The following BCKDHB variants were observed in gnomAD, a reference collection of about 807,000 sequenced individuals.
BCKDHB encodes 2-oxoisovalerate dehydrogenase subunit beta, mitochondrial.
A neutral mutation model predicts 48.5 loss-of-function variants in BCKDHB; 41 were observed. The ratio of observed to expected loss-of-function variants is 0.85; its 90% CI spans 0.66 to 1.10. The LOEUF is 1.10. Ranked by LOEUF, BCKDHB falls within the 50% of genes least tolerant of loss-of-function variation. The pLI is 0.00. For missense variants in BCKDHB, 496 were observed against 494.2 expected, an observed-to-expected ratio of 1.00 and a Z score of -0.03; for synonymous variants, 201 against 174.8, an observed-to-expected ratio of 1.15 and a Z score of -1.18.
At chr6:80,305,698 T>A (rs723308) in intron 9 of BCKDHB, among the ~76,000 whole-genome samples, 139,489 of 152,192 alleles carry the variant, frequency 0.92, 64,010 homozygotes, top group East Asian at 0.99. Context: ...CATGTAGATG[T>A]TGTGGACATC....
At chr6:80,133,985 C>T (rs574903450) in intron 3 of BCKDHB, among the ~76,000 whole-genome samples, 1 of 152,216 alleles carries the variant, frequency 6.6e-6, no homozygotes, top group East Asian at 1.9e-4. Context: ...ACAGATTCCT[C>T]ATGGCATATA....
At chr6:80,108,214 C>T (rs1769226552) in intron 1 of BCKDHB, among the ~76,000 whole-genome samples, 1 of 151,652 alleles carries the variant, frequency 6.6e-6, no homozygotes, top group African/African-American at 2.4e-5. Flanking sequence ...AGCTTCCATT[C>T]TAAACAATGT....
the BCKDHB span, among the ~76,000 whole-genome samples, chr6:80,419,406 C>T: frequency 8.6e-5 from 13 of 152,044 alleles, no homozygotes; most frequent in African/African-American, 2.9e-4. Context: ...CAGGAGAGAC[C>T]GGCAGACCAA....
At chr6:80,306,855 C>A (rs1026933472) in intron 9 of BCKDHB, among the ~76,000 whole-genome samples, 2 of 152,140 alleles carry the variant, frequency 1.3e-5, no homozygotes, top group African/African-American at 2.4e-5. Context: ...GGAGGCTCTT[C>A]TTCTGGAGAC....
rs1215666594 is a variant in BCKDHB at position 80,230,023 on chromosome 6, G to GTTT, written c.951+26813_951+26814insTTT. Among the ~76,000 whole-genome samples, 218 of 89,452 alleles carry GTTT rather than the reference G, an allele frequency of 2.4e-3. 4 individuals are homozygous for GTTT. Among genetic ancestry groups the GTTT allele is most frequent in the South Asian group, 7.1e-3 (18 of 2,540 alleles). 58.7% of individuals were successfully genotyped at this position (89,452 alleles called of 152,430 possible). ...ATTTGAATTCCAAAGGGGTTTTTAG[G>GTTT]TTGTTTTTTTTTTTTTTTTTTTTTT... is the stretch of plus-strand genomic sequence containing the variant. On this transcript the variant is annotated intron_variant, in intron 8 of 9. Transcript: ENST00000320393.
chr6:80,187,440 G>T (rs1441865672), intron 6 of BCKDHB, among the ~76,000 whole-genome samples: 1 of 152,170 alleles, frequency 6.6e-6, no homozygotes, highest in Non-Finnish European at 1.5e-5. Flanking sequence ...TAACTCAGTA[G>T]AGAGGGTAGG....
intron 9 of BCKDHB, among the ~76,000 whole-genome samples, chr6:80,282,345 C>T (rs1766368749): frequency 6.6e-6 from 1 of 152,050 alleles, no homozygotes; most frequent in African/African-American, 2.4e-5. Context: ...ATTCACGTTT[C>T]CAGGATATCA....
intron 1 of BCKDHB, among the ~76,000 whole-genome samples, chr6:80,121,550 T>C (rs546254890): frequency 6.1e-4 from 93 of 152,350 alleles, no homozygotes; most frequent in African/African-American, 2.1e-3. Context: ...AGCAGTGGTT[T>C]GTAGTTCTCC....
chr6:80,419,303 G>A, the BCKDHB span, among the ~76,000 whole-genome samples: 2 of 152,142 alleles, frequency 1.3e-5, no homozygotes, highest in Non-Finnish European at 2.9e-5. Context: ...GTTCTCTGCT[G>A]GTCAAGCATA....
the BCKDHB span, among the ~76,000 whole-genome samples, chr6:80,386,693 G>A: frequency 2.0e-5 from 3 of 152,236 alleles, no homozygotes; most frequent in Admixed American, 6.5e-5. Flanking sequence ...AATCAGAATA[G>A]TAGGACTTGT....
intron 9 of BCKDHB, among the ~76,000 whole-genome samples, chr6:80,304,814 C>T (rs1018291318): frequency 6.6e-6 from 1 of 152,002 alleles, no homozygotes; most frequent in Non-Finnish European, 1.5e-5. Flanking sequence ...AAAAAGAAAA[C>T]TATACCATTT....
At chr6:80,358,773 C>T in the BCKDHB span, among the ~76,000 whole-genome samples, 4 of 152,194 alleles carry the variant, frequency 2.6e-5, no homozygotes, top group African/African-American at 9.6e-5. Context: ...TACTTTGTAG[C>T]GATGGGGACT....
chr6:80,220,256 A>C (rs777114618), intron 8 of BCKDHB, among the ~76,000 whole-genome samples: 14 of 146,210 alleles, frequency 9.6e-5, no homozygotes, highest in Non-Finnish European at 2.1e-4. Context: ...CAATCTCATC[A>C]ATCAAAATTT....
At chr6:80,355,222 A>G in the BCKDHB span, among the ~76,000 whole-genome samples, 1 of 152,012 alleles carries the variant, frequency 6.6e-6, no homozygotes, top group Non-Finnish European at 1.5e-5. Context: ...CAACATGGTG[A>G]AACCCCATCT....
chr6:80,214,511 G>A (rs916233111), intron 8 of BCKDHB, among the ~76,000 whole-genome samples: 1 of 151,978 alleles, frequency 6.6e-6, no homozygotes, highest in African/African-American at 2.4e-5. Context: ...GTCTGTTTGA[G>A]GGGAGCAGAG....
chr6:80,294,431 A>G (rs1308825603), intron 9 of BCKDHB, among the ~76,000 whole-genome samples: 1 of 152,198 alleles, frequency 6.6e-6, no homozygotes, highest in Non-Finnish European at 1.5e-5. Context: ...CTTTTAGGGA[A>G]CAAGGGAAGA....
At chr6:80,417,764 C>T in the BCKDHB span, among the ~76,000 whole-genome samples, 5 of 147,794 alleles carry the variant, frequency 3.4e-5, no homozygotes, top group African/African-American at 1.3e-4. Context: ...TTGCCTTTAA[C>T]ATTTTTTTCT....
the BCKDHB span, among the ~76,000 whole-genome samples, chr6:80,399,200 A>G: frequency 1.3e-5 from 2 of 152,050 alleles, no homozygotes; most frequent in Admixed American, 1.3e-4. Flanking sequence ...GCAAAAGAAA[A>G]TGATGCTTTC....
intron 9 of BCKDHB, among the ~76,000 whole-genome samples, chr6:80,327,593 G>A (rs1042066858): frequency 6.6e-6 from 1 of 152,108 alleles, no homozygotes; most frequent in Admixed American, 6.5e-5. Context: ...GAAAGAGTTC[G>A]TCCAACTTTT....
Sources: gnomAD v4.1 joint callset for allele counts (sites outside exome capture counted in the v4.1 genomes callset) on GRCh38, gnomAD v4.1.1 for gene constraint, MANE v1.5 for transcripts, NCBI Gene and HGNC (gene_info 2026-07-23, HGNC 2026-07-21) for gene names.